Variants in VPS35 observed in about 807,000 individuals in gnomAD.
VPS35 encodes VPS35 retromer complex component, also known as vacuolar protein sorting-associated protein 35.
A neutral mutation model predicts 98.1 loss-of-function variants in VPS35; 21 were observed. That is an observed-to-expected ratio of 0.21 (90% CI 0.15 to 0.31). The LOEUF (loss-of-function observed/expected upper bound fraction) is 0.31. Ranked by LOEUF, VPS35 falls within the 10% of genes least tolerant of loss-of-function variation. The probability of loss-of-function intolerance (pLI) is 1.00; values close to 1 mark genes in which losing one functional copy is unlikely to be tolerated. For missense variants in VPS35, 554 were observed against 950.8 expected (o/e 0.58, Z 5.49); for synonymous variants, 268 against 318.2 (o/e 0.84, Z 1.68).
At chr16:46,669,274 G>A in intron 12 of VPS35, 1 of 591,396 alleles carries the variant, frequency 1.7e-6, no homozygotes, top group Non-Finnish European at 2.9e-6. Flanking sequence ...GAGTTTCAGA[G>A]AGGTTGTATA....
rs59186365 is a variant in VPS35 at position 46,678,134 on chromosome 16, A to G, written c.721-736T>C. On this transcript the variant is annotated intron_variant, in intron 6 of 16. Transcript: ENST00000299138. The stretch of plus-strand genomic sequence containing the variant: ...TGAGCTGCTGCTTGTTTTTACAAAT[A>G]AAGTTTTACTAGAACACAGCCATGC... 7.1e-3 allele frequency among the ~76,000 whole-genome samples: 1,079 copies of G among 152,308 alleles called. 14 individuals are homozygous for G. Among genetic ancestry groups the G allele is most frequent in the African/African-American group, 0.025 (1,040 of 41,556 alleles).
At chr16:46,682,955 T>C (rs1966255979) in intron 2 of VPS35, 1 of 158,124 alleles carries the variant, frequency 6.3e-6, no homozygotes, top group Non-Finnish European at 1.4e-5. Flanking sequence ...ACACAGATTA[T>C]CTCTTACTTT....
chr16:46,688,770 G>C, intron 1 of VPS35: 1 of 1,252,126 alleles, frequency 8.0e-7, no homozygotes. Context: ...CGCGCCCCGG[G>C]GGCCAGACGC....
intron 16 of VPS35, 169 bp from the exon 17 acceptor site, chr16:46,660,820 CAA>C (rs33973421): frequency 1.8e-3 from 624 of 338,596 alleles, no homozygotes; most frequent in Middle Eastern, 3.0e-3. Context: ...TACTGACTAT[CAA>C]AAAAAAAAAA....
chr16:46,662,164 A>C (rs1170794843), intron 15 of VPS35, 79 bp downstream of exon 15: 2 of 1,609,962 alleles, frequency 1.2e-6, no homozygotes, highest in African/African-American at 2.7e-5. Flanking sequence ...CAAATGTTTC[A>C]CCTCCAGAAC....
chr16:46,660,817 T>TTACA, intron 16 of VPS35, 166 bp from the exon 17 acceptor site: 1 of 243,154 alleles, frequency 4.1e-6, no homozygotes, highest in Non-Finnish European at 7.4e-6. Flanking sequence ...AATTACTGAC[T>TTACA]ATCAAAAAAA....
rs1567268587 is a variant in VPS35, at chr16:46,680,379, TAA to T, written c.506+290_506+291del. On this transcript the variant is annotated intron_variant, in intron 5 of 16. Coordinates refer to ENST00000299138, the MANE Select transcript of VPS35 (RefSeq NM_018206.6). Reference sequence around the variant, plus strand: ...ATTCAATTTCCAAATACAACTCTCTTAAAAAAGTTTTATTTTCAAAGAAGATT... The same window carrying T: ...ATTCAATTTCCAAATACAACTCTCTTAAAAGTTTTATTTTCAAAGAAGATT... Among the ~76,000 whole-genome samples the T allele has an allele frequency of 2.0e-5, 3 of 152,344 alleles. No individual in the cohort carries two copies. The East Asian group carries it at 5.8e-4, about 29-fold the overall frequency.
rs1165917861 is a variant in VPS35 at position 46,656,987 on chromosome 16, C to G, written c.*3485G>C. 1 of 152,230 alleles carries G rather than the reference C, an allele frequency of 6.6e-6. No homozygotes were observed. The highest frequency in any genetic ancestry group is 2.4e-5 in the African/African-American group (1 of 41,444). 9.4% of individuals were successfully genotyped at this position (152,230 alleles called of 1,614,324 possible). A position where few individuals can be genotyped will look rare whatever the true frequency, so the allele number is the denominator to read the frequency against. On this transcript the variant is annotated 3_prime_UTR_variant, in exon 17 of 17. Coordinates refer to ENST00000299138, the MANE Select transcript of VPS35 (RefSeq NM_018206.6). ...CACCACTGCACTCCTGCTTGGGTGA[C>G]AGAGCAAGACTCCGTCTCAAAAAAA...
At chr16:46,672,898 C>A (rs534983874) in intron 10 of VPS35, among the ~76,000 whole-genome samples, 37 of 152,214 alleles carry the variant, frequency 2.4e-4, no homozygotes, top group African/African-American at 8.9e-4. Context: ...AACAGAAAAA[C>A]ACATAAACTA....
Position 46,680,743 on chromosome 16 carries a change from C to G in VPS35, c.434G>C (p.Arg145Thr). ...AAGGTAATTTCGAAGAAACAGACCC[C>G]TCAAGGGATGTTGCACACCACGGCA... is the stretch of plus-strand genomic sequence containing the variant. The part of the protein sequence containing the change: ...EMCRGVQHPL[R>T]GLFLRNYLLQ... The change falls in exon 5 of 17, where the codon AGG (arginine) becomes ACG (threonine). Residue 145 changes from arginine (R) to threonine (T), a missense_variant. Coordinates refer to ENST00000299138, the MANE Select transcript of VPS35 (RefSeq NM_018206.6). 6.2e-7 allele frequency: 1 copy of G among 1,614,016 alleles called. No individual in the cohort carries two copies. The highest frequency in any genetic ancestry group is 8.5e-7 in the Non-Finnish European group (1 of 1,179,960).
At chr16:46,688,929 G>A in intron 1 of VPS35, 2 of 1,470,298 alleles carry the variant, frequency 1.4e-6, no homozygotes, top group Non-Finnish European at 1.8e-6. Context: ...CCGCAGCCAA[G>A]AGCCGCCGCC....
intron 13 of VPS35, among the ~76,000 whole-genome samples, chr16:46,667,326 T>C (rs1006425709): frequency 6.6e-6 from 1 of 152,338 alleles, no homozygotes; most frequent in East Asian, 1.9e-4. Flanking sequence ...TTGCTTGCTA[T>C]TGAGTTGCAT....
intron 1 of VPS35, 128 bp downstream of exon 1, chr16:46,689,003 A>G: frequency 6.5e-7 from 1 of 1,546,630 alleles, no homozygotes; most frequent in South Asian, 1.2e-5. Flanking sequence ...CGCAGGCCAA[A>G]TCGGGCTGGT....
chr16:46,681,367 A>C lies in VPS35; in HGVS notation c.323+10T>G, dbSNP rs1966233104. 6.2e-7 allele frequency: 1 copy of C among 1,613,538 alleles called. No individual in the cohort carries two copies. The highest frequency in any genetic ancestry group is 8.5e-7 in the Non-Finnish European group (1 of 1,179,554). On this transcript the variant is annotated intron_variant, in intron 4 of 16. Transcript: ENST00000299138. Reference sequence around the variant, plus strand: ...CAGACACAAAAGTTCTCTGATTTGTAATTACTTACAGCCTTGGGATAATGT... The same window carrying C: ...CAGACACAAAAGTTCTCTGATTTGTCATTACTTACAGCCTTGGGATAATGT...
At chr16:46,673,646 T>C (rs1966099575) in intron 10 of VPS35, 1 of 153,344 alleles carries the variant, frequency 6.5e-6, no homozygotes, top group Non-Finnish European at 1.5e-5. Context: ...GTACTGTTGA[T>C]ATTTCCTTTA....
At chr16:46,680,579 T>C (rs1966219792) in intron 5 of VPS35, 92 bp downstream of exon 5, 1 of 1,378,488 alleles carries the variant, frequency 7.3e-7, no homozygotes. Context: ...GGAAGAATTA[T>C]TCACACTTTG....
rs376845827 is a variant in VPS35 at position 46,678,985 on chromosome 16, G to A, written c.678C>T (p.Arg226=). The A allele has an allele frequency of 2.2e-4, 356 of 1,613,922 alleles. 1 individual carries two copies. Among genetic ancestry groups the A allele is most frequent in the Non-Finnish European group, 2.8e-4 (336 of 1,180,000 alleles). ...CATTTACACCTTCCAACTGACTGAG[G>A]CGCACCAAATTTGTTCCCACTAAAA... ...LRILVGTNLV[R]LSQLEGVNVE... Residue 226 remains arginine (R), a synonymous_variant, in exon 6 of 17, where the codon CGC becomes CGT. Coordinates refer to ENST00000299138, the MANE Select transcript of VPS35 (RefSeq NM_018206.6).
chr16:46,685,927 A>AT (rs1268833853), intron 1 of VPS35, among the ~76,000 whole-genome samples: 2 of 152,296 alleles, frequency 1.3e-5, no homozygotes, highest in South Asian at 4.1e-4. Flanking sequence ...AAAATTTACC[A>AT]TTTTAACATT....
chr16:46,671,686 A>T lies in VPS35; in HGVS notation c.1524+19T>A. ...TCACTAGGAGCTGATACAGGGATATACTAAGGGTAAACTCATACCAAGTAC... is the reference window on the plus strand; with the variant it reads ...TCACTAGGAGCTGATACAGGGATATTCTAAGGGTAAACTCATACCAAGTAC... On this transcript the variant is annotated intron_variant, in intron 12 of 16. Transcript: ENST00000299138. 6 of 1,614,080 alleles carry T rather than the reference A, an allele frequency of 3.7e-6. No homozygotes were observed. The highest frequency in any genetic ancestry group is 5.1e-6 in the Non-Finnish European group (6 of 1,179,926).
Sources: allele counts gnomAD v4.1 joint callset (sites outside exome capture counted in the v4.1 genomes callset), GRCh38; gene constraint gnomAD v4.1.1; transcripts MANE v1.5; gene names NCBI Gene and HGNC (gene_info 2026-07-23, HGNC 2026-07-21).